CPD: variants seen among roughly 807,000 people sequenced by gnomAD.
CPD encodes the protein metallocarboxypeptidase D.
In CPD, 69 loss-of-function variants were observed where a neutral mutation model predicts 138.3. The ratio of observed to expected loss-of-function variants is 0.50; its 90% CI spans 0.41 to 0.61. The LOEUF (loss-of-function observed/expected upper bound fraction) is 0.61, where lower values mean the gene tolerates loss of function less well. CPD is among the 20% of genes least tolerant of loss of function. The pLI, the probability that CPD is intolerant of heterozygous loss-of-function variation, is 0.00. For synonymous variants in CPD, 651 were observed against 642.1 expected, an observed-to-expected ratio of 1.01 and a Z score of -0.21; for missense variants, 1,432 against 1,733.3, an observed-to-expected ratio of 0.83 and a Z score of 3.09.
rs1913687338 is a variant in CPD at position 30,468,015 on chromosome 17, T to G, written c.*3201T>G. On this transcript the variant is annotated 3_prime_UTR_variant, in exon 21 of 21. Transcript: ENST00000225719. ...TATAGCAACTTTTTTGGTAACTCTT[T>G]GGGTTTCTGATTTGTTTTAGCTAAA... 6.6e-6 allele frequency: 1 copy of G among 152,302 alleles called. No individual in the cohort carries two copies. Among genetic ancestry groups the G allele is most frequent in the East Asian group, 1.9e-4 (1 of 5,190 alleles). 9.4% of individuals were successfully genotyped at this position (152,302 alleles called of 1,614,324 possible).
At position 30,461,993 on chromosome 17, in the gene CPD, T is replaced by C; in HGVS notation, c.3747T>C (p.His1249=). The part of the protein sequence containing the change: ...KVQTKEGGYF[H]VLLAPGVHNI... ...AAACAAAAGAGGGAGGTTATTTCCA[T>C]GTACTCTTAGCGCCAGGTGTCCATA... The change falls in exon 19 of 21, where the codon CAT becomes CAC. Residue 1249 remains histidine, a synonymous_variant. Transcript: ENST00000225719. 4.3e-6 allele frequency: 7 copies of C among 1,614,020 alleles called. No homozygotes were observed. Among genetic ancestry groups the C allele is most frequent in the South Asian group, 1.1e-5 (1 of 91,070 alleles).
chr17:30,385,405 C>A, intron 2 of CPD, 169 bp downstream of exon 2: 1 of 706,526 alleles, frequency 1.4e-6, no homozygotes, highest in Non-Finnish European at 2.2e-6. Flanking sequence ...ACATGAAGAC[C>A]TATCTGTCCT....
intron 8 of CPD, 90 bp downstream of exon 8, chr17:30,431,971 C>A: frequency 2.4e-6 from 2 of 831,144 alleles, no homozygotes; most frequent in Non-Finnish European, 3.7e-6. Context: ...AGGTCAAGTG[C>A]TTCCATAGTT....
intron 20 of CPD, 142 bp from the exon 21 acceptor site, chr17:30,464,446 A>G (rs1457383979): frequency 5.9e-6 from 4 of 672,406 alleles, no homozygotes; most frequent in African/African-American, 5.4e-5. Context: ...TACTGCTTCT[A>G]TAATAATAAA....
intron 14 of CPD, among the ~76,000 whole-genome samples, chr17:30,452,131 T>C (rs1023280977): frequency 2.6e-5 from 4 of 152,252 alleles, no homozygotes; most frequent in Non-Finnish European, 5.9e-5. Flanking sequence ...CTCCTATGTA[T>C]GTGTGTATGT....
chr17:30,378,944 G>A lies in CPD; in HGVS notation c.-37G>A. The A allele has an allele frequency of 7.0e-6, 10 of 1,421,928 alleles. No homozygotes were observed. Among genetic ancestry groups the A allele is most frequent in the Non-Finnish European group, 9.1e-6 (10 of 1,102,026 alleles). 88.1% of individuals were successfully genotyped at this position (1,421,928 alleles called of 1,614,324 possible). Reference sequence around the variant, plus strand: ...CCCCCGCCGCCCGGAGCGCTGAGCCGCGGGAGCGGAGCCGGGGTTAGCGGC... The same window carrying A: ...CCCCCGCCGCCCGGAGCGCTGAGCCACGGGAGCGGAGCCGGGGTTAGCGGC... On this transcript the variant is annotated 5_prime_UTR_variant, in exon 1 of 21. Coordinates refer to ENST00000225719, the MANE Select transcript of CPD (RefSeq NM_001304.5).
Position 30,464,591 on chromosome 17 carries a change from C to T in CPD, c.3920C>T (p.Ala1307Val). The change falls in exon 21 of 21, where the codon GCT becomes GTT. Residue 1307 changes from alanine to valine, a missense_variant. By Grantham distance (64) the Ala-to-Val change is moderately conservative (BLOSUM62 0). Transcript: ENST00000225719. Reference protein sequence around the residue: ...PRELVVTVSGATMSALILTAC... With the variant: ...PRELVVTVSGVTMSALILTAC... ...CATGATGGTTTTTGTTTGTCAGGTG[C>T]TACTATGTCGGCATTGATCCTAACA... The T allele has an allele frequency of 6.2e-7, 1 of 1,613,168 alleles. No homozygotes were observed. Among genetic ancestry groups the T allele is most frequent in the Non-Finnish European group, 8.5e-7 (1 of 1,179,552 alleles).
At chr17:30,442,664 G>T (rs1912910133) in intron 10 of CPD, among the ~76,000 whole-genome samples, 1 of 152,112 alleles carries the variant, frequency 6.6e-6, no homozygotes. Context: ...GTGAGGAAAA[G>T]TTGAAGAAAA....
At chr17:30,448,799 A>G (rs1913091810) in intron 12 of CPD, among the ~76,000 whole-genome samples, 1 of 152,082 alleles carries the variant, frequency 6.6e-6, no homozygotes, top group Non-Finnish European at 1.5e-5. Flanking sequence ...ATTTACAAAT[A>G]TTAATTTTGA....
Position 30,464,738 on chromosome 17 carries a change from A to G in CPD, c.4067A>G (p.Lys1356Arg). 6.2e-7 allele frequency: 1 copy of G among 1,614,052 alleles called. No individual in the cohort carries two copies. Among genetic ancestry groups the G allele is most frequent in the Non-Finnish European group, 8.5e-7 (1 of 1,179,922 alleles). ...ATTCGCATGATGTCTACCGGCTCCA[A>G]GAAGTCCCTCCTAAGCCATGAGTTC... Reference protein sequence around the residue: ...DEIRMMSTGSKKSLLSHEFQD... With the variant: ...DEIRMMSTGSRKSLLSHEFQD... The change falls in exon 21 of 21, where the codon AAG becomes AGG. Residue 1356 changes from lysine to arginine, a missense_variant. Physicochemically the swap from Lys to Arg is conservative, Grantham distance 26. Around this residue, in one of 6 missense-constraint regions of CPD, gnomAD observed 366 missense variants for 518.8 expected, o/e 0.71. Coordinates refer to ENST00000225719, the MANE Select transcript of CPD (RefSeq NM_001304.5).
intron 2 of CPD, among the ~76,000 whole-genome samples, chr17:30,390,824 G>A (rs1055585854): frequency 1.3e-5 from 2 of 151,706 alleles, no homozygotes; most frequent in Non-Finnish European, 2.9e-5. Flanking sequence ...TGTTCATGGA[G>A]TAAGATGCCT....
chr17:30,385,822 G>A (rs1337442919), intron 2 of CPD, among the ~76,000 whole-genome samples: 1 of 151,240 alleles, frequency 6.6e-6, no homozygotes, highest in Admixed American at 6.6e-5. Flanking sequence ...TAAAGAGACC[G>A]TGCTAATAGT....
At chr17:30,415,554 A>T (rs976354928) in intron 2 of CPD, among the ~76,000 whole-genome samples, 1 of 152,214 alleles carries the variant, frequency 6.6e-6, no homozygotes, top group Non-Finnish European at 1.5e-5. Context: ...AAGAACTCCT[A>T]CAACATAACA....
chr17:30,451,660 C>T, intron 13 of CPD, 51 bp from the exon 14 acceptor site: 1 of 1,560,576 alleles, frequency 6.4e-7, no homozygotes, highest in Non-Finnish European at 8.8e-7. Context: ...AGAGGGTACC[C>T]ATTGATTCTA....
intron 2 of CPD, among the ~76,000 whole-genome samples, chr17:30,411,731 C>T (rs997923052): frequency 6.6e-6 from 1 of 152,158 alleles, no homozygotes; most frequent in Non-Finnish European, 1.5e-5. Context: ...GTCTTCTCTA[C>T]ACTGTTTATT....
At chr17:30,400,529 T>G (rs1911626001) in intron 2 of CPD, among the ~76,000 whole-genome samples, 1 of 152,146 alleles carries the variant, frequency 6.6e-6, no homozygotes, top group Non-Finnish European at 1.5e-5. Flanking sequence ...AGTTCTAAGT[T>G]TCTCTGTGGT....
intron 14 of CPD, 52 bp downstream of exon 14, chr17:30,451,898 G>T (rs779200317): frequency 7.1e-6 from 11 of 1,548,480 alleles, no homozygotes; most frequent in East Asian, 6.9e-5. Flanking sequence ...TTTTCTTTCT[G>T]CTAGAAGATT....
intron 8 of CPD, among the ~76,000 whole-genome samples, chr17:30,433,285 C>T (rs1912610119): frequency 6.6e-6 from 1 of 152,132 alleles, no homozygotes; most frequent in African/African-American, 2.4e-5. Context: ...TCCCAACCAT[C>T]AAAATAAAAA....
At chr17:30,423,457 GA>G in intron 5 of CPD, 48 bp from the exon 6 acceptor site, 1 of 1,355,870 alleles carries the variant, frequency 7.4e-7, no homozygotes, top group Non-Finnish European at 9.8e-7. Context: ...CTGAGTCCAT[GA>G]TGATTAAGAA....
Sources: gnomAD v4.1 joint callset for allele counts (sites outside exome capture counted in the v4.1 genomes callset) on GRCh38, gnomAD v4.1.1 for gene constraint, gnomAD v4.1.1 regional missense constraint, MANE v1.5 for transcripts, NCBI Gene and HGNC (gene_info 2026-07-23, HGNC 2026-07-21) for gene names.